Variants in GXYLT2 observed in about 807,000 individuals in gnomAD.
GXYLT2 encodes the protein glucoside xylosyltransferase 2.
A neutral mutation model predicts 45.8 loss-of-function variants in GXYLT2; 53 were observed. That is an observed-to-expected ratio of 1.16 (90% CI 0.93 to 1.46). GXYLT2 has a LOEUF of 1.46. Ranked by LOEUF, GXYLT2 falls within the 40% of genes most tolerant of loss-of-function variation. GXYLT2 has a pLI of 0.00. For missense variants in GXYLT2, 551 were observed against 544.4 expected, an observed-to-expected ratio of 1.01 and a Z score of -0.12; for synonymous variants, 219 against 214.2, an observed-to-expected ratio of 1.02 and a Z score of -0.19.
intron 1 of GXYLT2, among the ~76,000 whole-genome samples, chr3:72,903,115 A>G (rs750206966): frequency 6.6e-6 from 1 of 152,220 alleles, no homozygotes; most frequent in Non-Finnish European, 1.5e-5. Flanking sequence ...AGCACTGAAA[A>G]TGGAATAGCT....
chr3:72,940,318 C>T (rs940124189), intron 3 of GXYLT2, among the ~76,000 whole-genome samples: 1 of 152,228 alleles, frequency 6.6e-6, no homozygotes, highest in South Asian at 2.1e-4. Context: ...ATCCTAATCT[C>T]ATGGAGCTTA....
rs1308733474 is a variant in GXYLT2 at position 72,967,564 on chromosome 3, C to A, written c.994C>A (p.Pro332Thr). 1 of 1,613,596 alleles carries A rather than the reference C, an allele frequency of 6.2e-7. No individual in the cohort carries two copies. ...ACCACCAGAGTGTCTCTATGTATTC[C>A]CCTGCCAGTGGAACTACCGTCCCGA... ...YFNPECLYVF[P>T]CQWNYRPDHC... The change falls in exon 6 of 7, where the codon CCC becomes ACC. Residue 332 changes from proline (P) to threonine (T), a missense_variant. Physicochemically the swap from Pro to Thr is conservative, Grantham distance 38. Transcript: ENST00000389617.
chr3:72,891,705 C>T (rs947292945), intron 1 of GXYLT2, among the ~76,000 whole-genome samples: 7 of 152,036 alleles, frequency 4.6e-5, no homozygotes, highest in Non-Finnish European at 8.8e-5. Flanking sequence ...GACACATATA[C>T]AATAAGTCCA....
chr3:72,918,512 G>A (rs903272811), intron 2 of GXYLT2, among the ~76,000 whole-genome samples: 18 of 151,964 alleles, frequency 1.2e-4, no homozygotes, highest in African/African-American at 1.7e-4. Context: ...TTGTAGCAAC[G>A]GGAAGGCATT....
rs1045429287 is a variant in GXYLT2, at chr3:72,975,238, G to A, written c.*79G>A. ...ATCTCTAAGCTGCCTGGGTCTTTTT[G>A]TGTGAATATTTAATGGTGCTCCATG... On this transcript the variant is annotated 3_prime_UTR_variant, in exon 7 of 7. Coordinates refer to ENST00000389617, the MANE Select transcript of GXYLT2 (RefSeq NM_001080393.2). 9.9e-6 allele frequency: 11 copies of A among 1,114,678 alleles called. No homozygotes were observed. In the African/African-American group the frequency reaches 1.7e-4, roughly 18 times the overall value. The allele number at this position is 1,114,678 out of a possible 1,614,324, so 69.0% of individuals were successfully genotyped here. A position where few individuals can be genotyped will look rare whatever the true frequency, so the allele number is the denominator to read the frequency against.
intron 3 of GXYLT2, among the ~76,000 whole-genome samples, chr3:72,933,043 T>C (rs1351709622): frequency 1.3e-5 from 2 of 152,204 alleles, no homozygotes; most frequent in African/African-American, 4.8e-5. Flanking sequence ...AAATTCAAAT[T>C]AGTGAATACA....
intron 2 of GXYLT2, among the ~76,000 whole-genome samples, chr3:72,917,432 G>T (rs1220768801): frequency 6.6e-6 from 1 of 152,160 alleles, no homozygotes. Context: ...ACTAGGTAAT[G>T]CCTGGTGTGG....
chr3:72,926,733 T>C (rs940013751), intron 3 of GXYLT2, among the ~76,000 whole-genome samples: 1 of 152,154 alleles, frequency 6.6e-6, no homozygotes, highest in Non-Finnish European at 1.5e-5. Flanking sequence ...ATCCTAGAGA[T>C]AGGTAAAACA....
At chr3:72,922,716 A>G (rs1709852722) in intron 3 of GXYLT2, among the ~76,000 whole-genome samples, 1 of 152,242 alleles carries the variant, frequency 6.6e-6, no homozygotes, top group East Asian at 1.9e-4. Flanking sequence ...TTATCACAAT[A>G]ACAACTACTA....
chr3:72,971,911 T>C (rs923905234), intron 6 of GXYLT2, among the ~76,000 whole-genome samples: 37 of 149,254 alleles, frequency 2.5e-4, no homozygotes, highest in African/African-American at 8.9e-4. Flanking sequence ...ATCGTGCCAC[T>C]GCACTCCAGC....
intron 1 of GXYLT2, among the ~76,000 whole-genome samples, chr3:72,903,803 T>A (rs932436018): frequency 2.6e-5 from 4 of 152,216 alleles, no homozygotes; most frequent in African/African-American, 7.2e-5. Context: ...GAGTCAAAGT[T>A]GATTGGGAAC....
intron 2 of GXYLT2, among the ~76,000 whole-genome samples, chr3:72,920,527 C>T (rs1709813157): frequency 6.6e-6 from 1 of 152,038 alleles, no homozygotes; most frequent in South Asian, 2.1e-4. Context: ...CCTTGGCCTC[C>T]CAAAGTGTTA....
intron 1 of GXYLT2, among the ~76,000 whole-genome samples, chr3:72,897,654 C>CA (rs1709320081): frequency 6.6e-6 from 1 of 152,138 alleles, no homozygotes; most frequent in Non-Finnish European, 1.5e-5. Context: ...TAAGAAACCC[C>CA]AAAACCCAAA....
At chr3:72,899,295 T>C (rs1709356022) in intron 1 of GXYLT2, among the ~76,000 whole-genome samples, 1 of 152,160 alleles carries the variant, frequency 6.6e-6, no homozygotes, top group South Asian at 2.1e-4. Context: ...ATTTCAGATA[T>C]CATGAGCCAA....
intron 1 of GXYLT2, among the ~76,000 whole-genome samples, chr3:72,907,238 C>G (rs1709529371): frequency 6.6e-6 from 1 of 152,242 alleles, no homozygotes; most frequent in Non-Finnish European, 1.5e-5. Context: ...GGCTGTGCTT[C>G]TACTAAGCAT....
At chr3:72,899,059 T>C (rs945404192) in intron 1 of GXYLT2, among the ~76,000 whole-genome samples, 1 of 152,204 alleles carries the variant, frequency 6.6e-6, no homozygotes, top group Non-Finnish European at 1.5e-5. Context: ...AACTTACTTG[T>C]ATGTGGTTCC....
At chr3:72,965,904 C>T (rs1311104355) in intron 5 of GXYLT2, among the ~76,000 whole-genome samples, 2 of 152,260 alleles carry the variant, frequency 1.3e-5, no homozygotes, top group East Asian at 3.9e-4. Context: ...ATATAGTTAC[C>T]TTGGCACAGG....
chr3:72,954,526 A>AC (rs990427258), intron 3 of GXYLT2, among the ~76,000 whole-genome samples: 2 of 150,872 alleles, frequency 1.3e-5, no homozygotes, highest in Non-Finnish European at 3.0e-5. Flanking sequence ...GAGAGTATTT[A>AC]CCCCCAAGGC....
intron 1 of GXYLT2, among the ~76,000 whole-genome samples, chr3:72,894,154 A>T (rs1328738297): frequency 1.3e-5 from 2 of 152,232 alleles, no homozygotes; most frequent in Non-Finnish European, 2.9e-5. Flanking sequence ...TTTAGGATGA[A>T]GCCATCTGTT....
Sources: allele counts gnomAD v4.1 joint callset (sites outside exome capture counted in the v4.1 genomes callset), GRCh38; gene constraint gnomAD v4.1.1; transcripts MANE v1.5; gene names NCBI Gene and HGNC (gene_info 2026-07-23, HGNC 2026-07-21).